NCAM2: variants seen among roughly 807,000 people sequenced by gnomAD.
NCAM2 encodes the protein neural cell adhesion molecule 2.
Under a neutral mutation model 98.1 loss-of-function variants are expected in NCAM2, and 30 were observed. The ratio of observed to expected loss-of-function variants is 0.31; its 90% CI spans 0.23 to 0.41. NCAM2 has a LOEUF of 0.41. Ranked by LOEUF, NCAM2 falls within the 10% of genes least tolerant of loss-of-function variation. The pLI is 1.00. For synonymous variants in NCAM2, 368 were observed against 342.4 expected (o/e 1.07, Z -0.83); for missense variants, 867 against 1,005.8 (o/e 0.86, Z 1.87).
chr21:21,354,223 A>G (rs370050969), intron 8 of NCAM2, among the ~76,000 whole-genome samples: 1 of 152,160 alleles, frequency 6.6e-6, no homozygotes, highest in African/African-American at 2.4e-5. Context: ...TACGTAGTAT[A>G]GACCTACATC....
chr21:21,251,699 C>CGCT (rs769670612), intron 1 of NCAM2, among the ~76,000 whole-genome samples: 2 of 150,712 alleles, frequency 1.3e-5, no homozygotes, highest in Non-Finnish European at 2.9e-5. Context: ...GGAATCACCA[C>CGCT]GCTGTCTTCT....
intron 1 of NCAM2, among the ~76,000 whole-genome samples, chr21:21,168,782 A>T (rs1253169400): frequency 2.0e-5 from 3 of 152,206 alleles, no homozygotes; most frequent in African/African-American, 7.2e-5. Context: ...ATGATGAATG[A>T]TATCAAAGAA....
chr21:21,185,160 A>C (rs1008376936), intron 1 of NCAM2, among the ~76,000 whole-genome samples: 1 of 152,180 alleles, frequency 6.6e-6, no homozygotes. Context: ...ACACTCTTAC[A>C]AAAACCGATA....
chr21:21,117,753 G>A (rs1450615521), intron 1 of NCAM2, among the ~76,000 whole-genome samples: 5 of 152,032 alleles, frequency 3.3e-5, no homozygotes, highest in Admixed American at 1.3e-4. Context: ...ATCTTTGTTC[G>A]TGATTCTGCA....
chr21:21,159,495 A>G (rs879615151), intron 1 of NCAM2, among the ~76,000 whole-genome samples: 63 of 152,056 alleles, frequency 4.1e-4, no homozygotes, highest in Non-Finnish European at 4.3e-4. Flanking sequence ...TTTATATTCC[A>G]TTTTTGTTGG....
intron 8 of NCAM2, among the ~76,000 whole-genome samples, chr21:21,358,492 C>A (rs894505628): frequency 1.3e-5 from 2 of 151,910 alleles, no homozygotes; most frequent in East Asian, 3.9e-4. Flanking sequence ...ACTCAACATA[C>A]AAAAATACAC....
At chr21:21,222,513 A>G (rs1357703099) in intron 1 of NCAM2, among the ~76,000 whole-genome samples, 1 of 152,152 alleles carries the variant, frequency 6.6e-6, no homozygotes, top group Non-Finnish European at 1.5e-5. Flanking sequence ...TCCACCCTTC[A>G]TGGAGGACTT....
At chr21:21,194,584 C>T (rs1042393999) in intron 1 of NCAM2, among the ~76,000 whole-genome samples, 12 of 152,096 alleles carry the variant, frequency 7.9e-5, no homozygotes, top group Non-Finnish European at 1.6e-4. Context: ...ATAAATCTTA[C>T]TGGTAGCTGT....
intron 1 of NCAM2, among the ~76,000 whole-genome samples, chr21:21,033,248 C>T (rs531499401): frequency 7.2e-5 from 11 of 152,214 alleles, no homozygotes; most frequent in Middle Eastern, 3.4e-3. Flanking sequence ...TGCACCTGGC[C>T]GGTTTCTTGG....
At chr21:21,336,950 G>A (rs2074888870) in intron 7 of NCAM2, among the ~76,000 whole-genome samples, 1 of 152,112 alleles carries the variant, frequency 6.6e-6, no homozygotes, top group Non-Finnish European at 1.5e-5. Flanking sequence ...ATCAGAAGTA[G>A]GCCAAGCTAA....
chr21:21,017,447 A>AAAAAAAAAAAAAAAAC (rs2064335418), intron 1 of NCAM2, among the ~76,000 whole-genome samples: 1 of 150,638 alleles, frequency 6.6e-6, no homozygotes, highest in African/African-American at 2.4e-5. Flanking sequence ...AAAAAAAAAA[A>AAAAAAAAAAAAAAAAC]AGAAATAGAA....
At chr21:21,025,144 G>A (rs945524140) in intron 1 of NCAM2, among the ~76,000 whole-genome samples, 3 of 151,628 alleles carry the variant, frequency 2.0e-5, no homozygotes, top group African/African-American at 7.3e-5. Flanking sequence ...GGAGTGCAGT[G>A]GTGCAATCTC....
At chr21:21,430,200 T>C (rs1339877091) in intron 11 of NCAM2, among the ~76,000 whole-genome samples, 1 of 151,620 alleles carries the variant, frequency 6.6e-6, no homozygotes, top group South Asian at 2.1e-4. Flanking sequence ...GGCTGTTTTT[T>C]TTATTTTTGT....
chr21:21,415,587 G>A (rs1298134541), intron 10 of NCAM2, among the ~76,000 whole-genome samples: 2 of 151,762 alleles, frequency 1.3e-5, no homozygotes, highest in Admixed American at 6.6e-5. Context: ...TGCCCGCCTC[G>A]GCCTCCCAAA....
At chr21:21,187,588 A>G (rs193092607) in intron 1 of NCAM2, among the ~76,000 whole-genome samples, 35 of 152,314 alleles carry the variant, frequency 2.3e-4, no homozygotes, top group Non-Finnish European at 2.9e-4. Flanking sequence ...CTGTTTTTCA[A>G]TGAAGTCATT....
chr21:21,323,243 C>A (rs868415718), intron 5 of NCAM2, among the ~76,000 whole-genome samples: 2 of 152,078 alleles, frequency 1.3e-5, no homozygotes. Context: ...TGAAAAAGTT[C>A]TATCTTTTGT....
chr21:21,397,792 C>A (rs758073773), intron 9 of NCAM2, among the ~76,000 whole-genome samples: 20 of 152,232 alleles, frequency 1.3e-4, no homozygotes, highest in Non-Finnish European at 2.8e-4. Context: ...ACAAACCTGG[C>A]CAGACCTCCC....
chr21:21,019,769 C>G (rs539423359), intron 1 of NCAM2, among the ~76,000 whole-genome samples: 231 of 152,236 alleles, frequency 1.5e-3, no homozygotes, highest in South Asian at 3.9e-3. Context: ...AGTTACATTA[C>G]CACTCTGCCA....
At chr21:21,185,730 A>G (rs1380488914) in intron 1 of NCAM2, among the ~76,000 whole-genome samples, 1 of 152,178 alleles carries the variant, frequency 6.6e-6, no homozygotes, top group Admixed American at 6.5e-5. Flanking sequence ...GTGACTGCCA[A>G]TCAGTATTAA....
Sources: allele counts gnomAD v4.1 joint callset (sites outside exome capture counted in the v4.1 genomes callset), GRCh38; gene constraint gnomAD v4.1.1; transcripts MANE v1.5; gene names NCBI Gene and HGNC (gene_info 2026-07-23, HGNC 2026-07-21).